Variants in SOS2 observed in about 807,000 individuals in gnomAD.
SOS2 encodes SOS Ras/Rho guanine nucleotide exchange factor 2, also known as son of sevenless homolog 2.
In SOS2, 65 loss-of-function variants were observed where a neutral mutation model predicts 148.2. The ratio of observed to expected loss-of-function variants is 0.44; its 90% CI spans 0.36 to 0.54. The LOEUF (loss-of-function observed/expected upper bound fraction) is 0.54, where lower values mean the gene tolerates loss of function less well. SOS2 is among the 20% of genes least tolerant of loss of function. SOS2 has a pLI of 0.00. For synonymous variants in SOS2, 539 were observed against 537.1 expected (o/e 1.00, Z -0.05); for missense variants, 1,341 against 1,590.2 (o/e 0.84, Z 2.67).
At chr14:50,158,223 T>C (rs1354855085) in intron 11 of SOS2, among the ~76,000 whole-genome samples, 4 of 152,060 alleles carry the variant, frequency 2.6e-5, no homozygotes, top group South Asian at 2.1e-4. Flanking sequence ...GGCAAAGTAG[T>C]CTACGGTCCA....
chr14:50,136,812 A>C (rs1394080970), intron 18 of SOS2, among the ~76,000 whole-genome samples: 1 of 150,676 alleles, frequency 6.6e-6, no homozygotes, highest in Admixed American at 6.6e-5. Flanking sequence ...CTGGTCTTGA[A>C]CTCCTGACCT....
chr14:50,222,539 A>G (rs1035224696), intron 1 of SOS2, among the ~76,000 whole-genome samples: 7 of 152,198 alleles, frequency 4.6e-5, no homozygotes, highest in Non-Finnish European at 1.0e-4. Context: ...TGTAAGAGAA[A>G]ATCTCTCCAA....
Position 50,145,531 on chromosome 14 carries a change from G to T in SOS2, c.2450C>A (p.Pro817Gln). Residue 817 changes from proline to glutamine, a missense_variant, in exon 15 of 23, where the codon CCA (proline) becomes CAA (glutamine). Around this residue, in one of 4 missense-constraint regions of SOS2, gnomAD observed 408 missense variants for 506.6 expected, o/e 0.81. Transcript: ENST00000216373. ...ATGGCGAATCATTTTTAATAAATTT[G>T]GAGAATTTATTTCTTTATCTTCTTT... ...WTKEDKEINSPNLLKMIRHTT... is the reference protein window; with the variant it reads ...WTKEDKEINSQNLLKMIRHTT... 6.2e-7 allele frequency: 1 copy of T among 1,607,278 alleles called. No individual in the cohort carries two copies. The highest frequency in any genetic ancestry group is 8.5e-7 in the Non-Finnish European group (1 of 1,175,294).
intron 9 of SOS2, 111 bp downstream of exon 9, chr14:50,161,371 C>A: frequency 1.2e-6 from 1 of 805,196 alleles, no homozygotes; most frequent in Non-Finnish European, 2.0e-6. Flanking sequence ...GTATGACAAG[C>A]ACAACTTTCA....
intron 14 of SOS2, among the ~76,000 whole-genome samples, chr14:50,149,398 CAGAA>C (rs1566827331): frequency 6.6e-6 from 1 of 151,424 alleles, no homozygotes; most frequent in Admixed American, 6.6e-5. Flanking sequence ...AAATCAGACA[CAGAA>C]AGAAAAATAT....
intron 1 of SOS2, among the ~76,000 whole-genome samples, chr14:50,211,498 C>T (rs1038039058): frequency 2.6e-5 from 4 of 151,918 alleles, no homozygotes; most frequent in Non-Finnish European, 5.9e-5. Flanking sequence ...TCTTTATGTC[C>T]ATGGGTACCC....
chr14:50,130,061 A>T, intron 20 of SOS2, 59 bp from the exon 21 acceptor site: 1 of 1,050,776 alleles, frequency 9.5e-7, no homozygotes, highest in Non-Finnish European at 1.5e-6. Context: ...ATTATTTTTT[A>T]AATGTTTCCA....
At chr14:50,182,363 A>G in intron 6 of SOS2, 100 bp downstream of exon 6, 1 of 1,062,472 alleles carries the variant, frequency 9.4e-7, no homozygotes, top group South Asian at 1.4e-5. Flanking sequence ...TTACTTTTTT[A>G]TGGAAACGGG....
At chr14:50,170,563 G>A (rs71420169) in intron 8 of SOS2, among the ~76,000 whole-genome samples, 444 of 152,062 alleles carry the variant, frequency 2.9e-3, no homozygotes, top group Admixed American at 5.0e-3. Context: ...GCACACATCC[G>A]TAGTCCTAGC....
intron 1 of SOS2, among the ~76,000 whole-genome samples, chr14:50,226,529 T>C (rs1247015340): frequency 2.0e-5 from 3 of 152,204 alleles, no homozygotes; most frequent in African/African-American, 7.2e-5. Flanking sequence ...TTCCTTGCCG[T>C]AGACTGCTAT....
At chr14:50,201,584 A>C (rs2139786151) in intron 2 of SOS2, among the ~76,000 whole-genome samples, 1 of 151,800 alleles carries the variant, frequency 6.6e-6, no homozygotes, top group South Asian at 2.1e-4. Flanking sequence ...TTTCCACATA[A>C]TTTTCATGGA....
Position 50,208,066 on chromosome 14 carries a change from C to T in SOS2, c.88-3657G>A, listed in dbSNP as rs145834219. 6.3e-3 allele frequency among the ~76,000 whole-genome samples: 953 copies of T among 152,082 alleles called. 11 individuals carry two copies. The highest frequency in any genetic ancestry group is 0.021 in the African/African-American group (890 of 41,502). ...ATCCCAGCACTTTAGGAGGCCGAGGCGGGTGGATCACTTGAGGTCAGGAGT... is the reference window on the plus strand; with the variant it reads ...ATCCCAGCACTTTAGGAGGCCGAGGTGGGTGGATCACTTGAGGTCAGGAGT... On this transcript the variant is annotated intron_variant, in intron 1 of 22. Transcript: ENST00000216373.
intron 21 of SOS2, among the ~76,000 whole-genome samples, chr14:50,123,213 C>T (rs1883575753): frequency 6.6e-6 from 1 of 152,018 alleles, no homozygotes; most frequent in Non-Finnish European, 1.5e-5. Context: ...ATGGCAAGAG[C>T]AAAGCACTGA....
chr14:50,226,268 C>A (rs1008461918), intron 1 of SOS2, among the ~76,000 whole-genome samples: 1 of 152,148 alleles, frequency 6.6e-6, no homozygotes, highest in Non-Finnish European at 1.5e-5. Context: ...AGTAATATTA[C>A]TATATTTGAA....
chr14:50,195,247 A>C (rs1292586271), intron 4 of SOS2, among the ~76,000 whole-genome samples: 1 of 152,236 alleles, frequency 6.6e-6, no homozygotes, highest in African/African-American at 2.4e-5. Flanking sequence ...AAATTATTAA[A>C]GAATAGCATA....
In SOS2 at chr14:50,118,398, C is replaced by T. The variant is rs143427064; in HGVS notation, c.3945G>A (p.Ser1315=). ...LPPKTYKREL[S]HPPLYRLPLL... is the part of the protein sequence containing the mutation. ...AAGGCAGTCTGTACAATGGGGGGTG[C>T]GAAAGCTCCCGTTTGTAAGTCTTTG... Residue 1315 remains serine, a synonymous_variant, in exon 23 of 23, where the codon TCG becomes TCA. Transcript: ENST00000216373. The T allele has an allele frequency of 9.3e-6, 15 of 1,613,848 alleles. No individual in the cohort carries two copies. Among genetic ancestry groups the T allele is most frequent in the South Asian group, 2.2e-5 (2 of 91,086 alleles).
intron 16 of SOS2, among the ~76,000 whole-genome samples, chr14:50,143,016 T>C (rs984328457): frequency 8.5e-5 from 13 of 152,176 alleles, no homozygotes; most frequent in African/African-American, 2.9e-4. Flanking sequence ...AAGAGACTGA[T>C]ATGTGCAACT....
At chr14:50,148,546 GAA>G (rs751169570) in intron 14 of SOS2, among the ~76,000 whole-genome samples, 12 of 152,128 alleles carry the variant, frequency 7.9e-5, no homozygotes, top group Admixed American at 2.6e-4. Context: ...TACATTGTGA[GAA>G]AAAACATGAT....
chr14:50,227,570 C>T (rs894444338), intron 1 of SOS2, among the ~76,000 whole-genome samples: 3 of 152,122 alleles, frequency 2.0e-5, no homozygotes, highest in African/African-American at 4.8e-5. Context: ...TCCGCCACCA[C>T]GCCCGGCTAA....
Sources: gnomAD v4.1 joint callset for allele counts (sites outside exome capture counted in the v4.1 genomes callset) on GRCh38, gnomAD v4.1.1 for gene constraint, gnomAD v4.1.1 regional missense constraint, MANE v1.5 for transcripts, NCBI Gene and HGNC (gene_info 2026-07-23, HGNC 2026-07-21) for gene names.